The following SYT9 variants were observed in gnomAD, a reference collection of about 807,000 sequenced individuals.
The protein encoded by SYT9 is synaptotagmin 9.
In SYT9, 22 loss-of-function variants were observed where a neutral mutation model predicts 48.4. That is an observed-to-expected ratio of 0.45 (90% CI 0.32 to 0.65). The LOEUF is 0.65. Among genes scored for constraint, SYT9 ranks in the 30% least tolerant of loss-of-function variants. The pLI is 0.03. For synonymous variants in SYT9, 265 were observed against 245.0 expected (o/e 1.08, Z -0.76); for missense variants, 577 against 622.0 (o/e 0.93, Z 0.77).
chr11:7,282,742 C>G (rs1276439724), intron 1 of SYT9, among the ~76,000 whole-genome samples: 3 of 152,086 alleles, frequency 2.0e-5, no homozygotes, highest in African/African-American at 7.2e-5. Context: ...GCAGTTGTTT[C>G]CCTTGAGACA....
intron 3 of SYT9, among the ~76,000 whole-genome samples, chr11:7,352,454 C>T (rs942939898): frequency 2.0e-5 from 3 of 152,154 alleles, no homozygotes; most frequent in African/African-American, 7.2e-5. Flanking sequence ...CACTTTATTA[C>T]TCACTTGCCT....
intron 3 of SYT9, among the ~76,000 whole-genome samples, chr11:7,402,970 T>C (rs1846925591): frequency 2.6e-5 from 4 of 152,204 alleles, no homozygotes; most frequent in Admixed American, 6.5e-5. Context: ...ATTAGCTTTT[T>C]AGTGGCTATT....
chr11:7,430,789 G>A (rs1378826639), intron 6 of SYT9, among the ~76,000 whole-genome samples: 3 of 152,088 alleles, frequency 2.0e-5, no homozygotes, highest in Non-Finnish European at 4.4e-5. Context: ...TTTGCCTTCT[G>A]CCATGAGTAA....
intron 3 of SYT9, among the ~76,000 whole-genome samples, chr11:7,403,953 TGAGGTGTGTAAACATTTA>T (rs1346911033): frequency 1.3e-5 from 2 of 152,146 alleles, no homozygotes; most frequent in Non-Finnish European, 2.9e-5. Context: ...GAGTGTGCTG[TGAGGTGTGTAAACATTTA>T]GAATTTTTAT....
At chr11:7,377,190 C>T (rs552435619) in intron 3 of SYT9, among the ~76,000 whole-genome samples, 2 of 151,516 alleles carry the variant, frequency 1.3e-5, no homozygotes, top group South Asian at 4.2e-4. Flanking sequence ...ATTATGGACC[C>T]ACTCTATGCC....
At chr11:7,395,401 T>C (rs937767840) in intron 3 of SYT9, among the ~76,000 whole-genome samples, 2 of 150,662 alleles carry the variant, frequency 1.3e-5, no homozygotes, top group Non-Finnish European at 3.0e-5. Context: ...AATTTGTTTG[T>C]TAGTTTTCTA....
At position 7,303,082 on chromosome 11, in the gene SYT9, T is replaced by G. The variant is rs1341484781; in HGVS notation, c.189T>G (p.Gly63=). ...TGACCCTTGTGGTCACTGCCTGTGG[T>G]CTCGCTCTCTTTGGCGTGTCTCTCT... is the stretch of plus-strand genomic sequence containing the variant. ...SLLTLVVTAC[G]LALFGVSLFV... Residue 63 remains glycine (G), a synonymous_variant, in exon 2 of 7, where the codon GGT becomes GGG. Coordinates refer to ENST00000318881, the MANE Select transcript of SYT9 (RefSeq NM_175733.4). 1 of 1,614,210 alleles carries G rather than the reference T, an allele frequency of 6.2e-7. No individual in the cohort carries two copies. Among genetic ancestry groups the G allele is most frequent in the South Asian group, 1.1e-5 (1 of 91,080 alleles).
Position 7,316,933 on chromosome 11 carries a change from G to A in SYT9, c.1044+2992G>A, listed in dbSNP as rs191242139. Among the ~76,000 whole-genome samples the A allele has an allele frequency of 9.2e-5, 14 of 152,278 alleles. No individual in the cohort carries two copies. The East Asian group carries it at 2.5e-3, about 27-fold the overall frequency. ...TGTTTTCTTTCTTGTGAAAATTCTT[G>A]TTCAGCACTTATTCTTTTGTTTTCC... On this transcript the variant is annotated intron_variant, in intron 3 of 6. Coordinates refer to ENST00000318881, the MANE Select transcript of SYT9 (RefSeq NM_175733.4).
intron 6 of SYT9, among the ~76,000 whole-genome samples, chr11:7,448,366 G>T (rs1847976085): frequency 6.6e-6 from 1 of 152,244 alleles, no homozygotes; most frequent in Non-Finnish European, 1.5e-5. Flanking sequence ...CATTGCCTTT[G>T]ATGGCGCCTG....
At position 7,303,167 on chromosome 11, in the gene SYT9, A is replaced by C. The variant is rs913030240; in HGVS notation, c.274A>C (p.Lys92Gln). 5 of 1,614,116 alleles carry C rather than the reference A, an allele frequency of 3.1e-6. No individual in the cohort carries two copies. Among genetic ancestry groups the C allele is most frequent in the Non-Finnish European group, 4.2e-6 (5 of 1,180,016 alleles). The part of the protein sequence containing the change: ...WRERGLPSGS[K>Q]DNNQEPLNYM... ...AGAACGAGGCCTGCCCTCTGGTAGC[A>C]AAGACAACAACCAGGAGCCCCTTAA... Residue 92 changes from lysine (K) to glutamine (Q), a missense_variant, in exon 2 of 7, where the codon AAA (lysine) becomes CAA (glutamine). Physicochemically the swap from Lys to Gln is moderately conservative, Grantham distance 53 (BLOSUM62 1). Coordinates refer to ENST00000318881, the MANE Select transcript of SYT9 (RefSeq NM_175733.4).
Position 7,468,228 on chromosome 11 carries a change from AG to A in SYT9, c.*1429del. On this transcript the variant is annotated 3_prime_UTR_variant, in exon 7 of 7. Coordinates refer to ENST00000318881, the MANE Select transcript of SYT9 (RefSeq NM_175733.4). ...TTATCTCTGTTTGAATTAACATTTC[AG>A]CATGGAACTAACTGGGCGGAGGAAG... The A allele has an allele frequency of 5.0e-6, 2 of 398,646 alleles. No individual in the cohort carries two copies. 24.7% of individuals were successfully genotyped at this position (398,646 alleles called of 1,614,324 possible). A position where few individuals can be genotyped will look rare whatever the true frequency, so the allele number is the denominator to read the frequency against.
chr11:7,333,078 T>TA (rs764768940), intron 3 of SYT9, among the ~76,000 whole-genome samples: 81 of 152,350 alleles, frequency 5.3e-4, no homozygotes, highest in Non-Finnish European at 9.0e-4. Flanking sequence ...AATACAGCCT[T>TA]ACTGTCCAGT....
At chr11:7,448,971 C>G (rs1317740134) in intron 6 of SYT9, among the ~76,000 whole-genome samples, 1 of 152,040 alleles carries the variant, frequency 6.6e-6, no homozygotes, top group Admixed American at 6.6e-5. Flanking sequence ...GGAGGGTGGC[C>G]AAGGGTGTTG....
intron 3 of SYT9, among the ~76,000 whole-genome samples, chr11:7,408,852 T>A (rs1051806757): frequency 2.0e-5 from 3 of 152,214 alleles, no homozygotes; most frequent in African/African-American, 7.2e-5. Context: ...CAGAGATCCT[T>A]GTTCTGAATG....
rs895956195 is a variant in SYT9 at position 7,252,183 on chromosome 11, G to A, written c.-4G>A. On this transcript the variant is annotated 5_prime_UTR_variant, in exon 1 of 7. Transcript: ENST00000318881. This position sits in a 1 kb window ranked among gnomAD's most constrained non-coding sequence, Gnocchi z 6.3. ...CCGGCGCGGTCCGAGGATGCGGGGG[G>A]GCGATGCCCGGGGCCAGGGACGCGC... The A allele has an allele frequency of 2.8e-6, 4 of 1,445,040 alleles. No individual in the cohort carries two copies. In the South Asian group the frequency reaches 4.2e-5, roughly 15 times the overall value. 89.5% of individuals were successfully genotyped at this position (1,445,040 alleles called of 1,614,324 possible).
chr11:7,421,209 A>G (rs1331375980), intron 6 of SYT9, among the ~76,000 whole-genome samples: 1 of 152,226 alleles, frequency 6.6e-6, no homozygotes, highest in Non-Finnish European at 1.5e-5. Flanking sequence ...ATGATCAACA[A>G]GAGACCTAGA....
intron 6 of SYT9, among the ~76,000 whole-genome samples, chr11:7,455,205 G>A (rs1475136283): frequency 8.6e-5 from 13 of 150,578 alleles, no homozygotes; most frequent in South Asian, 4.2e-4. Flanking sequence ...CTTTCACTGA[G>A]AAAAAAAAAG....
At chr11:7,274,484 T>G (rs1373726411) in intron 1 of SYT9, among the ~76,000 whole-genome samples, 1 of 151,866 alleles carries the variant, frequency 6.6e-6, no homozygotes, top group Non-Finnish European at 1.5e-5. Flanking sequence ...GCCCAGCTAA[T>G]TTTTTGTATT....
intron 3 of SYT9, among the ~76,000 whole-genome samples, chr11:7,367,373 G>A (rs1450044602): frequency 3.3e-5 from 5 of 150,652 alleles, no homozygotes; most frequent in African/African-American, 1.2e-4. Flanking sequence ...GAGCCACCGC[G>A]CCCGGCCTTC....
Sources: allele counts gnomAD v4.1 joint callset (sites outside exome capture counted in the v4.1 genomes callset), GRCh38; gene constraint gnomAD v4.1.1; non-coding constraint Gnocchi (gnomAD v3.1); transcripts MANE v1.5; gene names NCBI Gene and HGNC (gene_info 2026-07-23, HGNC 2026-07-21).